MYO18A: variants seen among roughly 807,000 people sequenced by gnomAD.
The protein encoded by MYO18A is unconventional myosin-XVIIIa.
MYO18A carries 78 observed loss-of-function variants against 235.8 expected under a neutral mutation model. The ratio of observed to expected loss-of-function variants is 0.33; its 90% CI spans 0.28 to 0.40. The LOEUF is 0.40. Among genes scored for constraint, MYO18A ranks in the 10% least tolerant of loss-of-function variants. The pLI is 1.00. For synonymous variants in MYO18A, 977 were observed against 1,077.8 expected (o/e 0.91, Z 1.83); for missense variants, 2,215 against 2,699.3 (o/e 0.82, Z 3.98).
rs1425559972 is a variant in MYO18A, at chr17:29,098,370, G to C, written c.3856C>G (p.Arg1286Gly). Residue 1286 changes from arginine (R) to glycine (G), a missense_variant, in exon 24 of 42, where the codon CGG becomes GGG. Arg to Gly is a moderately radical substitution (Grantham distance 125). Transcript: ENST00000527372. ...GAGTCACTCACCCGGCTCTCCAGCCGGTCACTGTTGAGCCGCAGCTCGTTC... is the reference window on the plus strand; with the variant it reads ...GAGTCACTCACCCGGCTCTCCAGCCCGTCACTGTTGAGCCGCAGCTCGTTC... ...ERNELRLNSDRLESRISELTS... is the reference protein window; with the variant it reads ...ERNELRLNSDGLESRISELTS... The C allele has an allele frequency of 6.2e-7, 1 of 1,613,836 alleles. No homozygotes were observed. Among genetic ancestry groups the C allele is most frequent in the Admixed American group, 1.7e-5 (1 of 60,022 alleles).
intron 1 of MYO18A, among the ~76,000 whole-genome samples, chr17:29,178,569 C>A (rs1402760760): frequency 1.3e-5 from 2 of 152,044 alleles, no homozygotes; most frequent in African/African-American, 4.8e-5. Flanking sequence ...ATGTCAAATC[C>A]AGAAACCAGG....
Position 29,140,280 on chromosome 17 carries a change from G to T in MYO18A, c.1000-18027C>A. On this transcript the variant is annotated intron_variant, in intron 2 of 41. Transcript: ENST00000527372. This position sits in a 1 kb window ranked among gnomAD's most constrained non-coding sequence, Gnocchi z 4.2. ...CAAAAAGGTCCCTCCTTTCCTAAAT[G>T]AGGAAATAGCATGAGGAGCCTGGGA... The T allele has an allele frequency of 8.9e-7, 1 of 1,122,616 alleles. No individual in the cohort carries two copies. The highest frequency in any genetic ancestry group is 1.1e-6 in the Non-Finnish European group (1 of 880,946). 69.5% of individuals were successfully genotyped at this position (1,122,616 alleles called of 1,614,324 possible).
intron 28 of MYO18A, among the ~76,000 whole-genome samples, chr17:29,095,704 G>A (rs1328433494): frequency 2.0e-5 from 3 of 152,248 alleles, no homozygotes; most frequent in Admixed American, 1.3e-4. Flanking sequence ...GGAGCAAATT[G>A]CTCAAATTCC....
intron 2 of MYO18A, among the ~76,000 whole-genome samples, chr17:29,160,871 GGAGTGGT>G (rs2152967079): frequency 6.6e-6 from 1 of 152,308 alleles, no homozygotes; most frequent in South Asian, 2.1e-4. Flanking sequence ...TGGCTGGGAG[GGAGTGGT>G]AAGCCTTCCT....
intron 2 of MYO18A, among the ~76,000 whole-genome samples, chr17:29,154,090 A>G (rs961212871): frequency 7.5e-6 from 1 of 133,774 alleles, no homozygotes. Flanking sequence ...AACCCACTCT[A>G]AATTCTGCAG....
At chr17:29,139,026 G>A (rs925434259) in intron 2 of MYO18A, among the ~76,000 whole-genome samples, 2 of 152,184 alleles carry the variant, frequency 1.3e-5, no homozygotes, top group East Asian at 1.9e-4. Flanking sequence ...GCCAGACAGC[G>A]GGGGAGGGGG....
At chr17:29,164,220 C>T (rs2068234075) in intron 2 of MYO18A, among the ~76,000 whole-genome samples, 1 of 152,224 alleles carries the variant, frequency 6.6e-6, no homozygotes, top group African/African-American at 2.4e-5. Context: ...AAAGACCCCT[C>T]CTTGTTCTTC....
intron 2 of MYO18A, among the ~76,000 whole-genome samples, chr17:29,143,716 C>T (rs1190465653): frequency 6.6e-6 from 1 of 152,004 alleles, no homozygotes; most frequent in Non-Finnish European, 1.5e-5. Flanking sequence ...ACATATATAC[C>T]CTGCTTCCTT....
intron 21 of MYO18A, among the ~76,000 whole-genome samples, chr17:29,100,236 T>C (rs1350607855): frequency 6.6e-6 from 1 of 152,066 alleles, no homozygotes; most frequent in East Asian, 1.9e-4. Flanking sequence ...GGTGAGTGGA[T>C]GCTGGAGGAT....
At position 29,074,882 on chromosome 17, in the gene MYO18A, T is replaced by G; in HGVS notation, c.6053A>C (p.Asp2018Ala). The G allele has an allele frequency of 6.2e-7, 1 of 1,613,806 alleles. No homozygotes were observed. The highest frequency in any genetic ancestry group is 8.5e-7 in the Non-Finnish European group (1 of 1,179,858). The change falls in exon 42 of 42, where the codon GAT becomes GCT. Residue 2018 changes from aspartate (D) to alanine (A), a missense_variant. Asp to Ala is a moderately radical substitution (Grantham distance 126). Coordinates refer to ENST00000527372, the MANE Select transcript of MYO18A (RefSeq NM_078471.4). This position sits in a 1 kb window ranked among gnomAD's most constrained non-coding sequence, Gnocchi z 4.4. ...AGGGTCGTGCTCATCATCTGACCGA[T>G]CAGGGGCAAGGGACTTCCAGTAGCT... ...PTSYWKSLAP[D>A]RSDDEHDPLD...
At chr17:29,097,439 G>T in intron 26 of MYO18A, 89 bp from the exon 27 acceptor site, 1 of 1,535,020 alleles carries the variant, frequency 6.5e-7, no homozygotes, top group Non-Finnish European at 8.8e-7. Context: ...AGGGGGAGCA[G>T]CAGGTGGAGT....
intron 2 of MYO18A, among the ~76,000 whole-genome samples, chr17:29,150,388 G>A (rs919065932): frequency 3.3e-5 from 5 of 152,258 alleles, no homozygotes; most frequent in Non-Finnish European, 5.9e-5. Flanking sequence ...CATCCTTGGC[G>A]AGGAAAGGAA....
At chr17:29,079,445 A>G (rs1277572657) in intron 41 of MYO18A, among the ~76,000 whole-genome samples, 2 of 152,238 alleles carry the variant, frequency 1.3e-5, no homozygotes, top group African/African-American at 4.8e-5. Flanking sequence ...ATAAGTGACT[A>G]AAGTGTGGAA....
Position 29,115,470 on chromosome 17 carries a change from C to T in MYO18A, c.2228-29G>A, listed in dbSNP as rs937534286. On this transcript the variant is annotated intron_variant, in intron 12 of 41. Coordinates refer to ENST00000527372, the MANE Select transcript of MYO18A (RefSeq NM_078471.4). Reference sequence around the variant, plus strand: ...TGGGGCAGGGGGAGCAGCGCTATCTCCTTCTCCCCAGGGCTCCCCATCTGG... The same window carrying T: ...TGGGGCAGGGGGAGCAGCGCTATCTTCTTCTCCCCAGGGCTCCCCATCTGG... The T allele has an allele frequency of 5.6e-6, 9 of 1,606,272 alleles. No individual in the cohort carries two copies. The African/African-American group carries it at 9.4e-5, about 17-fold the overall frequency.
At position 29,090,904 on chromosome 17, in the gene MYO18A, A is replaced by G. The variant is rs754742748; in HGVS notation, c.5210T>C (p.Leu1737Pro). 1 of 1,614,014 alleles carries G rather than the reference A, an allele frequency of 6.2e-7. No individual in the cohort carries two copies. Among genetic ancestry groups the G allele is most frequent in the Non-Finnish European group, 8.5e-7 (1 of 1,179,894 alleles). ...CTGGATCTCATTCTTCTCACGCTGA[A>G]GGCGGCTCAGCTGCTCCTCCAGCTG... Reference protein sequence around the residue: ...KTALEEQLSRLQREKNEIQNR... With the variant: ...KTALEEQLSRPQREKNEIQNR... Residue 1737 changes from leucine to proline, a missense_variant, in exon 35 of 42, where the codon CTT becomes CCT. By Grantham distance (98) the Leu-to-Pro change is moderately conservative. Coordinates refer to ENST00000527372, the MANE Select transcript of MYO18A (RefSeq NM_078471.4).
intron 2 of MYO18A, among the ~76,000 whole-genome samples, chr17:29,148,961 G>A (rs1421029825): frequency 6.6e-6 from 1 of 152,240 alleles, no homozygotes; most frequent in Non-Finnish European, 1.5e-5. Context: ...GGCCAAGGGG[G>A]TGGGGCCAAG....
chr17:29,156,607 C>A (rs889272829), intron 2 of MYO18A, among the ~76,000 whole-genome samples: 1 of 152,248 alleles, frequency 6.6e-6, no homozygotes, highest in Non-Finnish European at 1.5e-5. Context: ...GAAGACCGAA[C>A]AGAGAGAATG....
Position 29,081,338 on chromosome 17 carries a change from G to A in MYO18A, c.6020+978C>T, listed in dbSNP as rs149824516. Reference sequence around the variant, plus strand: ...ACTACCTGGAGCCTCGTGCCATGCCGTGGTGAACCACGGCAGTGGGGCGGG... The same window carrying A: ...ACTACCTGGAGCCTCGTGCCATGCCATGGTGAACCACGGCAGTGGGGCGGG... On this transcript the variant is annotated intron_variant, in intron 41 of 41. Coordinates refer to ENST00000527372, the MANE Select transcript of MYO18A (RefSeq NM_078471.4). Among the ~76,000 whole-genome samples the A allele has an allele frequency of 2.2e-3, 328 of 152,318 alleles. 1 individual carries two copies. The highest frequency in any genetic ancestry group is 7.2e-3 in the African/African-American group (300 of 41,570).
chr17:29,117,922 G>T lies in MYO18A; in HGVS notation c.2038+123C>A. On this transcript the variant is annotated intron_variant, in intron 10 of 41. Coordinates refer to ENST00000527372, the MANE Select transcript of MYO18A (RefSeq NM_078471.4). This position sits in a 1 kb window ranked among gnomAD's most constrained non-coding sequence, Gnocchi z 4.6. ...AGTGGGGGGCTGAGAAGAGGCACAA[G>T]CAAAAGAGGGTTGTCTCAGAACGGC... 1 of 1,204,812 alleles carries T rather than the reference G, an allele frequency of 8.3e-7. No homozygotes were observed. Among genetic ancestry groups the T allele is most frequent in the South Asian group, 1.5e-5 (1 of 65,622 alleles). 74.6% of individuals were successfully genotyped at this position (1,204,812 alleles called of 1,614,324 possible). A position where few individuals can be genotyped will look rare whatever the true frequency, so the allele number is the denominator to read the frequency against.
Sources: allele counts gnomAD v4.1 joint callset (sites outside exome capture counted in the v4.1 genomes callset), GRCh38; gene constraint gnomAD v4.1.1; non-coding constraint Gnocchi (gnomAD v3.1); transcripts MANE v1.5; gene names NCBI Gene and HGNC (gene_info 2026-07-23, HGNC 2026-07-21).